EPHB1: variants seen among roughly 807,000 people sequenced by gnomAD.
EPHB1 encodes the protein ephrin type-B receptor 1.
Under a neutral mutation model 94.4 loss-of-function variants are expected in EPHB1, and 30 were observed. That is an observed-to-expected ratio of 0.32 (90% CI 0.24 to 0.43). The LOEUF (loss-of-function observed/expected upper bound fraction) is 0.43, where lower values mean the gene tolerates loss of function less well. Ranked by LOEUF, EPHB1 falls within the 20% of genes least tolerant of loss-of-function variation. The pLI is 1.00. For missense variants in EPHB1, 1,055 were observed against 1,308.3 expected, an observed-to-expected ratio of 0.81 and a Z score of 2.99; for synonymous variants, 522 against 489.1, an observed-to-expected ratio of 1.07 and a Z score of -0.89.
At chr3:134,959,118 C>T (rs991684640) in intron 3 of EPHB1, among the ~76,000 whole-genome samples, 1 of 152,146 alleles carries the variant, frequency 6.6e-6, no homozygotes, top group African/African-American at 2.4e-5. Context: ...ATGACAGAGA[C>T]ATCATATGGT....
At chr3:135,108,888 G>A (rs746229198) in intron 4 of EPHB1, among the ~76,000 whole-genome samples, 1 of 152,144 alleles carries the variant, frequency 6.6e-6, no homozygotes, top group African/African-American at 2.4e-5. Context: ...CCCTGCTCAC[G>A]AAACTCCCTG....
chr3:135,054,038 TATAC>T (rs981454114), intron 3 of EPHB1, among the ~76,000 whole-genome samples: 3 of 107,578 alleles, frequency 2.8e-5, no homozygotes, highest in African/African-American at 1.1e-4. Flanking sequence ...TATATATATA[TATAC>T]ACACACACAC....
intron 3 of EPHB1, among the ~76,000 whole-genome samples, chr3:135,068,395 C>CCTTAGTTATTTCCTTAGTTATT (rs1559817192): frequency 6.6e-6 from 1 of 152,072 alleles, no homozygotes; most frequent in Non-Finnish European, 1.5e-5. Context: ...ATTGTGGTTT[C>CCTTAGTTATTTCCTTAGTTATT]AATTTGCATT....
At chr3:135,135,192 G>A (rs1343538778) in intron 5 of EPHB1, among the ~76,000 whole-genome samples, 1 of 151,992 alleles carries the variant, frequency 6.6e-6, no homozygotes, top group African/African-American at 2.4e-5. Flanking sequence ...TGGAATTCTG[G>A]TGTCAGAGAG....
At chr3:135,169,783 AG>A (rs1332200018) in intron 9 of EPHB1, among the ~76,000 whole-genome samples, 7 of 152,312 alleles carry the variant, frequency 4.6e-5, no homozygotes, top group Middle Eastern at 3.4e-3. Context: ...GAACTAATCT[AG>A]GAGGGTTAAG....
At chr3:134,872,325 A>G (rs1045365009) in intron 1 of EPHB1, among the ~76,000 whole-genome samples, 1 of 152,228 alleles carries the variant, frequency 6.6e-6, no homozygotes, top group African/African-American at 2.4e-5. Context: ...TTGAAAGATA[A>G]TTCCCATTCG....
At chr3:134,867,757 C>G (rs1320299433) in intron 1 of EPHB1, among the ~76,000 whole-genome samples, 1 of 152,164 alleles carries the variant, frequency 6.6e-6, no homozygotes, top group Admixed American at 6.5e-5. Context: ...CCCTCAGCCC[C>G]TATTACCCGC....
intron 3 of EPHB1, among the ~76,000 whole-genome samples, chr3:135,041,120 A>T (rs757552813): frequency 6.6e-6 from 1 of 152,184 alleles, no homozygotes; most frequent in Non-Finnish European, 1.5e-5. Flanking sequence ...GTAAACCAGA[A>T]GAGCAGGGAT....
chr3:134,904,473 T>G (rs1302641923), intron 1 of EPHB1, among the ~76,000 whole-genome samples: 1 of 152,048 alleles, frequency 6.6e-6, no homozygotes, highest in Non-Finnish European at 1.5e-5. Context: ...GTGTCTGTGG[T>G]CTGTGGTCTG....
chr3:134,900,819 A>G (rs931344820), intron 1 of EPHB1, among the ~76,000 whole-genome samples: 9 of 152,200 alleles, frequency 5.9e-5, no homozygotes, highest in East Asian at 3.9e-4. Context: ...TAGTTGTGAG[A>G]GGCACATGGG....
chr3:134,834,385 A>G (rs547651004), intron 1 of EPHB1, among the ~76,000 whole-genome samples: 1 of 152,120 alleles, frequency 6.6e-6, no homozygotes, highest in African/African-American at 2.4e-5. Context: ...TCCAGAGTTA[A>G]GAAAAATTGT....
intron 9 of EPHB1, among the ~76,000 whole-genome samples, chr3:135,168,036 G>A (rs1042948608): frequency 6.6e-5 from 10 of 152,210 alleles, no homozygotes; most frequent in African/African-American, 2.4e-4. Context: ...TACCCAAGGC[G>A]GGAAAGTGAT....
In EPHB1 at chr3:135,165,925, A is replaced by G; in HGVS notation, c.1586-43A>G. 2.0e-6 allele frequency: 3 copies of G among 1,478,262 alleles called. 1 individual carries two copies. In the South Asian group the frequency reaches 3.4e-5, roughly 17 times the overall value. The allele number at this position is 1,478,262 out of a possible 1,614,324, so 91.6% of individuals were successfully genotyped here. A position where few individuals can be genotyped will look rare whatever the true frequency, so the allele number is the denominator to read the frequency against. ...TGTGCACTGAGTATCAGCTGTATGC[A>G]AAAGGCACATGGGGAGGATTCTAAT... On this transcript the variant is annotated intron_variant, in intron 7 of 15. Coordinates refer to ENST00000398015, the MANE Select transcript of EPHB1 (RefSeq NM_004441.5).
intron 11 of EPHB1, 145 bp from the exon 12 acceptor site, chr3:135,201,329 A>C: frequency 6.8e-6 from 5 of 740,326 alleles, no homozygotes; most frequent in Non-Finnish European, 9.2e-6. Context: ...AGAATGGGGG[A>C]TGGGAGTGGG....
chr3:134,963,327 G>A (rs1037187235), intron 3 of EPHB1, among the ~76,000 whole-genome samples: 1 of 152,056 alleles, frequency 6.6e-6, no homozygotes, highest in African/African-American at 2.4e-5. Flanking sequence ...AAAGATAATA[G>A]GCAAACAGCT....
At chr3:135,015,950 G>T (rs140586414) in intron 3 of EPHB1, among the ~76,000 whole-genome samples, 11 of 152,310 alleles carry the variant, frequency 7.2e-5, no homozygotes, top group African/African-American at 2.6e-4. Flanking sequence ...GACCAGATAG[G>T]ACCATGGGCT....
intron 12 of EPHB1, among the ~76,000 whole-genome samples, chr3:135,240,409 T>G (rs1340022993): frequency 6.6e-6 from 1 of 152,028 alleles, no homozygotes; most frequent in Non-Finnish European, 1.5e-5. Flanking sequence ...AGAGAGCCAA[T>G]TTAGAAACTT....
In EPHB1 at chr3:134,866,015, G is replaced by T. The variant is rs77169322; in HGVS notation, c.59-59801G>T. 3.7e-3 allele frequency among the ~76,000 whole-genome samples: 564 copies of T among 152,326 alleles called. 2 individuals carry two copies. The highest frequency in any genetic ancestry group is 0.013 in the African/African-American group (522 of 41,574). On this transcript the variant is annotated intron_variant, in intron 1 of 15. Transcript: ENST00000398015. ...GAATCTCTGAGCAGATGGTTAACGG[G>T]AAAGGAATGGGGGTCACCCTGAGCT...
intron 3 of EPHB1, among the ~76,000 whole-genome samples, chr3:134,967,965 G>T (rs1933828029): frequency 6.6e-6 from 1 of 152,194 alleles, no homozygotes; most frequent in South Asian, 2.1e-4. Flanking sequence ...TGAACCCTCA[G>T]TGCAGTCTAT....
Sources: allele counts gnomAD v4.1 joint callset (sites outside exome capture counted in the v4.1 genomes callset), GRCh38; gene constraint gnomAD v4.1.1; transcripts MANE v1.5; gene names NCBI Gene and HGNC (gene_info 2026-07-23, HGNC 2026-07-21).